The following TBC1D20 variants were observed in gnomAD, a reference collection of about 807,000 sequenced individuals.
TBC1D20 encodes TBC1 domain family member 20.
A neutral mutation model predicts 41.6 loss-of-function variants in TBC1D20; 12 were observed. The ratio of observed to expected loss-of-function variants is 0.29; its 90% CI spans 0.18 to 0.47. TBC1D20 has a LOEUF of 0.47. TBC1D20 is among the 20% of genes least tolerant of loss of function. The probability of loss-of-function intolerance (pLI) is 1.00; values close to 1 mark genes in which losing one functional copy is unlikely to be tolerated. For missense variants in TBC1D20, 421 were observed against 517.4 expected, an observed-to-expected ratio of 0.81 and a Z score of 1.81; for synonymous variants, 205 against 204.8, an observed-to-expected ratio of 1.00 and a Z score of -0.01.
At chr20:455,586 C>G (rs1165271582) in intron 1 of TBC1D20, among the ~76,000 whole-genome samples, 1 of 151,962 alleles carries the variant, frequency 6.6e-6, no homozygotes, top group Non-Finnish European at 1.5e-5. Context: ...CCACTGTACT[C>G]CAGACTGGGC....
chr20:448,066 C>T lies in TBC1D20; in HGVS notation c.79G>A (p.Ala27Thr), dbSNP rs770274096. 5 of 1,611,266 alleles carry T rather than the reference C, an allele frequency of 3.1e-6. No homozygotes were observed. The highest frequency in any genetic ancestry group is 1.3e-5 in the African/African-American group (1 of 74,844). Residue 27 changes from alanine (A) to threonine (T), a missense_variant, in exon 2 of 8, where the codon GCC becomes ACC. Transcript: ENST00000354200. ...DGGAEKADFNAKRKKKVAEIH... is the reference protein window; with the variant it reads ...DGGAEKADFNTKRKKKVAEIH... ...TCTGCCACTTTCTTTTTCCTTTTGG[C>T]GTTAAAGTCTGAAGATAAGGATAGG...
intron 1 of TBC1D20, among the ~76,000 whole-genome samples, chr20:460,240 A>G (rs2122432126): frequency 6.6e-6 from 1 of 152,152 alleles, no homozygotes; most frequent in East Asian, 1.9e-4. Context: ...GGAGGGAGAC[A>G]GACATACCCC....
In TBC1D20 at chr20:446,675, T is replaced by C. The variant is rs117638400; in HGVS notation, c.256+1214A>G. 1.1e-3 allele frequency among the ~76,000 whole-genome samples: 166 copies of C among 152,182 alleles called. 1 individual carries two copies. The East Asian group carries it at 0.023, about 21-fold the overall frequency. ...TGTTTTTGTGTGTGTTTAATTTTAC[T>C]TTACTTTTAGAGATTGGATCTTGCC... On this transcript the variant is annotated intron_variant, in intron 2 of 7. Transcript: ENST00000354200.
Position 439,138 on chromosome 20 carries a change from C to T in TBC1D20, c.926G>A (p.Arg309Gln), listed in dbSNP as rs370914731. The change falls in exon 7 of 8, where the codon CGG (arginine) becomes CAG (glutamine). Residue 309 changes from arginine (R) to glutamine (Q), a missense_variant. Coordinates refer to ENST00000354200, the MANE Select transcript of TBC1D20 (RefSeq NM_144628.4). The surrounding 1 kb of genome is among the most constrained non-coding windows in gnomAD (Gnocchi z 4.6). The stretch of plus-strand genomic sequence containing the variant: ...AGCTTGCTGTTGGGCAGCGGCCTCC[C>T]GAGCAAGTTCGGATGGGGGAAACTG... ...FVQFPPSELAREAAAQQQAER... is the reference protein window; with the variant it reads ...FVQFPPSELAQEAAAQQQAER... 1.7e-5 allele frequency: 28 copies of T among 1,613,588 alleles called. No homozygotes were observed. Among genetic ancestry groups the T allele is most frequent in the Admixed American group, 5.0e-5 (3 of 59,926 alleles).
intron 2 of TBC1D20, among the ~76,000 whole-genome samples, chr20:446,460 C>T (rs555141614): frequency 6.6e-6 from 1 of 152,214 alleles, no homozygotes; most frequent in South Asian, 2.1e-4. Context: ...CCTGCCTCAG[C>T]TTCCCTAGTA....
rs777454434 is a variant in TBC1D20 at position 438,709 on chromosome 20, C to T, written c.1089G>A (p.Arg363=). ...CTGCCAATTTCACAAAGCGGTTGGT[C>T]CTTGGCTTGGTCAGGACATCTTTTG... ...DRTKDVLTKP[R]TNRFVKLAVM... is the part of the protein sequence containing the mutation. The change falls in exon 8 of 8, where the codon AGG becomes AGA. Residue 363 remains arginine (R), a synonymous_variant. Transcript: ENST00000354200. 2.5e-5 allele frequency: 40 copies of T among 1,614,092 alleles called. No homozygotes were observed. Among genetic ancestry groups the T allele is most frequent in the Non-Finnish European group, 3.1e-5 (37 of 1,180,042 alleles).
chr20:443,054 C>T (rs534989274), intron 3 of TBC1D20, among the ~76,000 whole-genome samples: 3 of 151,982 alleles, frequency 2.0e-5, no homozygotes, highest in Non-Finnish European at 4.4e-5. Flanking sequence ...GAGCTGAGAT[C>T]GTGCCACTGC....
intron 3 of TBC1D20, among the ~76,000 whole-genome samples, chr20:444,223 T>C (rs1357262552): frequency 6.6e-6 from 1 of 152,096 alleles, no homozygotes; most frequent in East Asian, 1.9e-4. Flanking sequence ...CATGTGCTTT[T>C]ATCAAAACCA....
At chr20:440,594 C>T in intron 5 of TBC1D20, 1 of 587,006 alleles carries the variant, frequency 1.7e-6, no homozygotes, top group South Asian at 2.6e-5. Flanking sequence ...CAACAGGGTC[C>T]TGGCTGCTTT....
chr20:462,326 G>A lies in TBC1D20; in HGVS notation c.70+10C>T. ...CAGGCCGCTCCCGGCGCCCCGGTCG[G>A]CTTCCGTACCTGCCTTCTCCGCGCC... On this transcript the variant is annotated intron_variant, in intron 1 of 7. Transcript: ENST00000354200. The A allele has an allele frequency of 1.5e-6, 2 of 1,296,320 alleles. No homozygotes were observed. The highest frequency in any genetic ancestry group is 9.9e-7 in the Non-Finnish European group (1 of 1,013,150). The allele number at this position is 1,296,320 out of a possible 1,614,324, so 80.3% of individuals were successfully genotyped here. A position where few individuals can be genotyped will look rare whatever the true frequency, so the allele number is the denominator to read the frequency against.
Position 445,083 on chromosome 20 carries a change from C to A in TBC1D20, c.304G>T (p.Asp102Tyr), listed in dbSNP as rs2017307016. 3 of 1,606,214 alleles carry A rather than the reference C, an allele frequency of 1.9e-6. No individual in the cohort carries two copies. The highest frequency in any genetic ancestry group is 2.6e-6 in the Non-Finnish European group (3 of 1,175,466). Residue 102 changes from aspartate (D) to tyrosine (Y), a missense_variant, in exon 3 of 8, where the codon GAC becomes TAC. By Grantham distance (160) the Asp-to-Tyr change is radical. Transcript: ENST00000354200. ...MSKDYQQVLLDVRRSLRRFPP... is the reference protein window; with the variant it reads ...MSKDYQQVLLYVRRSLRRFPP... ...AACCGCCGCAATGACCGCCGGACGT[C>A]CAGCAACACTTGTTGGTAGTCCTTG...
At position 462,520 on chromosome 20, in the gene TBC1D20, G is replaced by T. The variant is rs902445367; in HGVS notation, c.-115C>A. The T allele has an allele frequency of 9.4e-6, 5 of 530,652 alleles. No homozygotes were observed. The highest frequency in any genetic ancestry group is 6.2e-5 in the African/African-American group (3 of 48,746). 32.9% of individuals were successfully genotyped at this position (530,652 alleles called of 1,614,324 possible). ...CGGCATCGGCAGGCTCCCCTCCGTC[G>T]GCCAGCGGCGCGCAGGCGCGCAGGC... is the stretch of plus-strand genomic sequence containing the variant. On this transcript the variant is annotated 5_prime_UTR_variant, in exon 1 of 8. Transcript: ENST00000354200.
chr20:449,575 G>A (rs1369667837), intron 1 of TBC1D20, among the ~76,000 whole-genome samples: 3 of 151,932 alleles, frequency 2.0e-5, no homozygotes, highest in African/African-American at 7.3e-5. Context: ...CAGCCTGGGC[G>A]ACAAAGTGAG....
rs1380768455 is a variant in TBC1D20 at position 438,612 on chromosome 20, T to C, written c.1186A>G (p.Lys396Glu). 6.2e-7 allele frequency: 1 copy of C among 1,614,126 alleles called. No homozygotes were observed. Among genetic ancestry groups the C allele is most frequent in the Admixed American group, 1.7e-5 (1 of 60,028 alleles). ...CAGGGAAACAGCTGCAGCTGAAACT[T>C]AGGGGCCCATTCCAGGGCACTTTTC... Reference protein sequence around the residue: ...VVKSALEWAPKFQLQLFP With the variant: ...VVKSALEWAPEFQLQLFP Residue 396 changes from lysine to glutamate, a missense_variant, in exon 8 of 8, where the codon AAG becomes GAG. This residue lies in a region of TBC1D20 where 161 missense variants were observed against 182.7 expected (regional missense o/e 0.88). Transcript: ENST00000354200.
chr20:438,166 G>A lies in TBC1D20; in HGVS notation c.*420C>T, dbSNP rs2017154091. ...TTCAGCAGCAGCCCCCTCCTTCTGT[G>A]TCCATCTGATGCAGGCAAGCAGGAG... On this transcript the variant is annotated 3_prime_UTR_variant, in exon 8 of 8. Coordinates refer to ENST00000354200, the MANE Select transcript of TBC1D20 (RefSeq NM_144628.4). 1 of 171,602 alleles carries A rather than the reference G, an allele frequency of 5.8e-6. No homozygotes were observed. The highest frequency in any genetic ancestry group is 5.5e-5 in the Admixed American group (1 of 18,176). The allele number at this position is 171,602 out of a possible 1,614,324, so 10.6% of individuals were successfully genotyped here.
chr20:453,785 CG>C (rs2122417433), intron 1 of TBC1D20, among the ~76,000 whole-genome samples: 1 of 145,410 alleles, frequency 6.9e-6, no homozygotes, highest in African/African-American at 2.6e-5. Flanking sequence ...CTCCTGACCT[CG>C]TGACCCGCCA....
intron 1 of TBC1D20, among the ~76,000 whole-genome samples, chr20:459,477 T>C (rs1172847560): frequency 1.3e-5 from 2 of 152,148 alleles, no homozygotes; most frequent in Admixed American, 6.5e-5. Context: ...TCCTTTATAG[T>C]AGAGGTCTTG....
chr20:448,010 A>G lies in TBC1D20; in HGVS notation c.135T>C (p.Thr45=). 1 of 1,614,158 alleles carries G rather than the reference A, an allele frequency of 6.2e-7. No individual in the cohort carries two copies. Among genetic ancestry groups the G allele is most frequent in the Non-Finnish European group, 8.5e-7 (1 of 1,179,968 alleles). Residue 45 remains threonine, a synonymous_variant, in exon 2 of 8, where the codon ACT becomes ACC. Transcript: ENST00000354200. ...CCATGCGTCTAAGGGCAGCCACATC[A>G]GTGGGATCACTGTTCAGAGCCTGGT... The part of the protein sequence containing the change: ...EIHQALNSDP[T]DVAALRRMAI...
Position 437,645 on chromosome 20 carries a change from T to C in TBC1D20, c.*941A>G, listed in dbSNP as rs1041893978. 2.0e-5 allele frequency: 3 copies of C among 153,196 alleles called. No individual in the cohort carries two copies. The highest frequency in any genetic ancestry group is 7.2e-5 in the African/African-American group (3 of 41,434). 9.5% of individuals were successfully genotyped at this position (153,196 alleles called of 1,614,324 possible). On this transcript the variant is annotated 3_prime_UTR_variant, in exon 8 of 8. Transcript: ENST00000354200. The stretch of plus-strand genomic sequence containing the variant: ...TGAGGAAAACAGGAAGAAAAACCGG[T>C]CAGAAAGTGGCACTTTGGAAGTGGA...
Sources: allele counts gnomAD v4.1 joint callset (sites outside exome capture counted in the v4.1 genomes callset), GRCh38; gene constraint gnomAD v4.1.1; regional missense constraint gnomAD v4.1.1; non-coding constraint Gnocchi (gnomAD v3.1); transcripts MANE v1.5; gene names NCBI Gene and HGNC (gene_info 2026-07-23, HGNC 2026-07-21).